CSMD1: variants seen among roughly 807,000 people sequenced by gnomAD.
CSMD1 encodes the protein CUB and sushi domain-containing protein 1.
Under a neutral mutation model 417.5 loss-of-function variants are expected in CSMD1, and 213 were observed. The observed-to-expected ratio is 0.51, with a 90% CI of 0.46 to 0.57. The LOEUF (loss-of-function observed/expected upper bound fraction) is 0.57, where lower values mean the gene tolerates loss of function less well. Among genes scored for constraint, CSMD1 ranks in the 20% least tolerant of loss-of-function variants. The pLI, the probability that CSMD1 is intolerant of heterozygous loss-of-function variation, is 0.00. For synonymous variants in CSMD1, 2,862 were observed against 1,736.8 expected (o/e 1.65, Z -16.11); for missense variants, 6,923 against 4,529.7 (o/e 1.53, Z -15.17).
intron 3 of CSMD1, among the ~76,000 whole-genome samples, chr8:4,089,719 T>C (rs1800615771): frequency 6.6e-6 from 1 of 152,188 alleles, no homozygotes; most frequent in Non-Finnish European, 1.5e-5. Flanking sequence ...AGCTCAAGAT[T>C]ATTTTAATTA....
chr8:3,489,696 T>C (rs890862707), intron 11 of CSMD1, among the ~76,000 whole-genome samples: 4 of 152,188 alleles, frequency 2.6e-5, no homozygotes, highest in African/African-American at 4.8e-5. Flanking sequence ...TATTGTGCCA[T>C]AAAAATTAAC....
chr8:4,070,893 T>A (rs924925026), intron 3 of CSMD1, among the ~76,000 whole-genome samples: 1 of 152,236 alleles, frequency 6.6e-6, no homozygotes, highest in Non-Finnish European at 1.5e-5. Flanking sequence ...TTACTTTCTT[T>A]TTGCTTTTAG....
intron 1 of CSMD1, among the ~76,000 whole-genome samples, chr8:4,982,090 T>G (rs1810920752): frequency 6.6e-6 from 1 of 152,208 alleles, no homozygotes; most frequent in Admixed American, 6.5e-5. Context: ...CTACCCCAGC[T>G]GAGCCTCAGG....
intron 5 of CSMD1, among the ~76,000 whole-genome samples, chr8:3,838,365 G>T (rs984807276): frequency 6.6e-6 from 1 of 150,936 alleles, no homozygotes; most frequent in Non-Finnish European, 1.5e-5. Context: ...GTGAGACACT[G>T]TCTCTACTAT....
chr8:3,940,533 G>GTA (rs1554493086), intron 5 of CSMD1, among the ~76,000 whole-genome samples: 4 of 140,196 alleles, frequency 2.9e-5, no homozygotes, highest in African/African-American at 8.3e-5. Flanking sequence ...GTGTGTGTGT[G>GTA]TGTATGTATG....
At chr8:4,904,083 G>C (rs537915634) in intron 1 of CSMD1, among the ~76,000 whole-genome samples, 5 of 152,114 alleles carry the variant, frequency 3.3e-5, no homozygotes, top group Admixed American at 1.3e-4. Flanking sequence ...CCATGGAAAA[G>C]AACCAGGATA....
At chr8:4,201,787 T>C (rs1374196738) in intron 3 of CSMD1, among the ~76,000 whole-genome samples, 1 of 150,824 alleles carries the variant, frequency 6.6e-6, no homozygotes, top group African/African-American at 2.5e-5. Context: ...TTTATGTACC[T>C]AACCTCCTGC....
At chr8:4,238,193 G>T (rs1012486856) in intron 3 of CSMD1, among the ~76,000 whole-genome samples, 1 of 152,166 alleles carries the variant, frequency 6.6e-6, no homozygotes, top group Admixed American at 6.5e-5. Context: ...CAAGTACGTC[G>T]ATATTAACAC....
rs1046496512 is a variant in CSMD1 at position 3,142,169 on chromosome 8, C to G, written c.6241+296G>C. Among the ~76,000 whole-genome samples, 16 of 152,296 alleles carry G rather than the reference C, an allele frequency of 1.1e-4. No individual in the cohort carries two copies. In the East Asian group the frequency reaches 2.9e-3, roughly 28 times the overall value. ...AATTGAGTCACAATAAAACTCCGGTCTCCCACACATCTGGCTCTGCGTGAA... is the reference window on the plus strand; with the variant it reads ...AATTGAGTCACAATAAAACTCCGGTGTCCCACACATCTGGCTCTGCGTGAA... On this transcript the variant is annotated intron_variant, in intron 41 of 69. Transcript: ENST00000635120.
At chr8:4,532,828 TCA>T (rs1047826581) in intron 2 of CSMD1, among the ~76,000 whole-genome samples, 2 of 142,122 alleles carry the variant, frequency 1.4e-5, no homozygotes, top group African/African-American at 2.7e-5. Flanking sequence ...GCACCCGCAT[TCA>T]GTCACTCCGG....
At chr8:3,515,313 C>G (rs912700267) in intron 10 of CSMD1, 1 of 152,176 alleles carries the variant, frequency 6.6e-6, no homozygotes, top group Non-Finnish European at 1.5e-5. Flanking sequence ...TGAGCTGATG[C>G]TGGCATGCTG....
At chr8:4,898,194 A>G (rs573633857) in intron 1 of CSMD1, among the ~76,000 whole-genome samples, 1 of 152,274 alleles carries the variant, frequency 6.6e-6, no homozygotes, top group South Asian at 2.1e-4. Flanking sequence ...GCATTGCTAT[A>G]TTGCAAATGG....
chr8:3,294,397 T>A (rs1803807482), intron 25 of CSMD1, among the ~76,000 whole-genome samples: 1 of 152,200 alleles, frequency 6.6e-6, no homozygotes. Flanking sequence ...CTGCCTTCTG[T>A]TGGTCTGTGC....
intron 3 of CSMD1, among the ~76,000 whole-genome samples, chr8:4,130,808 T>C (rs1217454437): frequency 1.3e-5 from 2 of 151,714 alleles, no homozygotes; most frequent in South Asian, 2.1e-4. Context: ...AAATTATATA[T>C]TTGTATATAT....
At position 3,711,804 on chromosome 8, in the gene CSMD1, G is replaced by C. The variant is rs565284764; in HGVS notation, c.932-3313C>G. Among the ~76,000 whole-genome samples the C allele has an allele frequency of 2.6e-5, 4 of 152,146 alleles. No homozygotes were observed. The East Asian group carries it at 5.8e-4, about 22-fold the overall frequency. ...TCTTGAAGTTACTCAGGAGAGAGGAGATGAATGCACAATAAATAACAAATA... is the reference window on the plus strand; with the variant it reads ...TCTTGAAGTTACTCAGGAGAGAGGACATGAATGCACAATAAATAACAAATA... On this transcript the variant is annotated intron_variant, in intron 6 of 69. Transcript: ENST00000635120.
chr8:4,678,041 G>C (rs1474443985), intron 1 of CSMD1, among the ~76,000 whole-genome samples: 2 of 152,102 alleles, frequency 1.3e-5, no homozygotes, highest in African/African-American at 4.8e-5. Flanking sequence ...AACTATTTTA[G>C]TAACAGCACA....
intron 11 of CSMD1, among the ~76,000 whole-genome samples, chr8:3,487,358 C>T (rs1024521222): frequency 3.9e-5 from 6 of 152,050 alleles, no homozygotes; most frequent in Admixed American, 1.3e-4. Flanking sequence ...CCCGCCACCA[C>T]GCCCGGCTAA....
chr8:3,771,011 A>G (rs914185096), intron 5 of CSMD1, among the ~76,000 whole-genome samples: 1 of 102,544 alleles, frequency 9.8e-6, no homozygotes, highest in Admixed American at 1.0e-4. Flanking sequence ...TCTCTCTGTC[A>G]GTGTGTCTGT....
intron 10 of CSMD1, among the ~76,000 whole-genome samples, chr8:3,547,067 C>A (rs1453567780): frequency 6.6e-6 from 1 of 152,118 alleles, no homozygotes; most frequent in Non-Finnish European, 1.5e-5. Flanking sequence ...AGCTGGAGAC[C>A]TGACTTAGAC....
Sources: allele counts gnomAD v4.1 joint callset (sites outside exome capture counted in the v4.1 genomes callset), GRCh38; gene constraint gnomAD v4.1.1; transcripts MANE v1.5; gene names NCBI Gene and HGNC (gene_info 2026-07-23, HGNC 2026-07-21).